Variants in LHFPL6 observed in about 807,000 individuals in gnomAD.
The protein encoded by LHFPL6 is LHFPL tetraspan subfamily member 6.
In LHFPL6, 9 loss-of-function variants were observed where a neutral mutation model predicts 20.6. The ratio of observed to expected loss-of-function variants is 0.44; its 90% CI spans 0.26 to 0.76. The LOEUF is 0.76. Ranked by LOEUF, LHFPL6 falls within the 30% of genes least tolerant of loss-of-function variation. The pLI is 0.20. For missense variants in LHFPL6, 218 were observed against 253.5 expected (o/e 0.86, Z 0.95); for synonymous variants, 105 against 98.7 (o/e 1.06, Z -0.38).
intron 2 of LHFPL6, among the ~76,000 whole-genome samples, chr13:39,480,153 A>T (rs561725239): frequency 6.6e-6 from 1 of 152,334 alleles, no homozygotes; most frequent in South Asian, 2.1e-4. Flanking sequence ...CAGTTTGAAG[A>T]AGGTCTTGTC....
intron 2 of LHFPL6, among the ~76,000 whole-genome samples, chr13:39,574,482 CA>C (rs796821570): frequency 0.027 from 1,600 of 59,956 alleles, 6 homozygotes; most frequent in African/African-American, 0.03. Flanking sequence ...GACTCCGTCT[CA>C]AAAAAAAAAA....
intron 2 of LHFPL6, among the ~76,000 whole-genome samples, chr13:39,429,551 C>T (rs1339677361): frequency 6.6e-6 from 1 of 152,132 alleles, no homozygotes; most frequent in African/African-American, 2.4e-5. Flanking sequence ...CATTTTTATA[C>T]AATCTGACAA....
intron 2 of LHFPL6, among the ~76,000 whole-genome samples, chr13:39,452,389 CA>C (rs1273235387): frequency 3.9e-5 from 6 of 152,118 alleles, no homozygotes; most frequent in African/African-American, 1.4e-4. Flanking sequence ...GGTTTTGATA[CA>C]AATCACCAAA....
intron 2 of LHFPL6, among the ~76,000 whole-genome samples, chr13:39,453,860 G>A (rs1430557893): frequency 2.0e-5 from 3 of 152,192 alleles, no homozygotes; most frequent in Non-Finnish European, 2.9e-5. Flanking sequence ...AGGAAAAGAA[G>A]AATCTAACTT....
chr13:39,348,299 G>A (rs185138986), intron 3 of LHFPL6, among the ~76,000 whole-genome samples: 10 of 152,214 alleles, frequency 6.6e-5, no homozygotes, highest in Admixed American at 2.0e-4. Flanking sequence ...TATTTGCAAC[G>A]CTCTTCAGAG....
intron 2 of LHFPL6, among the ~76,000 whole-genome samples, chr13:39,521,442 T>C (rs772136006): frequency 1.3e-5 from 2 of 152,114 alleles, no homozygotes; most frequent in Non-Finnish European, 2.9e-5. Context: ...GAAAGGGAGA[T>C]TAGTGGTTTA....
intron 2 of LHFPL6, among the ~76,000 whole-genome samples, chr13:39,472,746 T>C (rs963665360): frequency 4.6e-5 from 7 of 151,992 alleles, no homozygotes; most frequent in African/African-American, 1.4e-4. Flanking sequence ...GTAGCTGGGA[T>C]TACAGACACC....
chr13:39,442,534 T>C (rs892177012), intron 2 of LHFPL6, among the ~76,000 whole-genome samples: 4 of 152,156 alleles, frequency 2.6e-5, no homozygotes, highest in Admixed American at 6.5e-5. Flanking sequence ...AGGGAAGGCA[T>C]GAAAGAAGAA....
chr13:39,451,735 G>T (rs1320400822), intron 2 of LHFPL6, among the ~76,000 whole-genome samples: 1 of 152,092 alleles, frequency 6.6e-6, no homozygotes, highest in African/African-American at 2.4e-5. Context: ...CATAAAGTAG[G>T]TTGAGCCAAA....
At chr13:39,409,513 T>G (rs1412614236) in intron 2 of LHFPL6, among the ~76,000 whole-genome samples, 1 of 152,144 alleles carries the variant, frequency 6.6e-6, no homozygotes, top group East Asian at 1.9e-4. Flanking sequence ...ATACTACGCA[T>G]GACCACCACT....
At chr13:39,582,361 C>T (rs1872314935) in intron 2 of LHFPL6, among the ~76,000 whole-genome samples, 1 of 152,174 alleles carries the variant, frequency 6.6e-6, no homozygotes, top group African/African-American at 2.4e-5. Context: ...AAGACCCAAC[C>T]ATGTGAATTG....
At chr13:39,522,763 G>A (rs1885762) in intron 2 of LHFPL6, among the ~76,000 whole-genome samples, 131,649 of 151,956 alleles carry the variant, frequency 0.87, 57,165 homozygotes, top group South Asian at 0.93. Context: ...GCAACCACAA[G>A]AAGAAACCAC....
intron 2 of LHFPL6, among the ~76,000 whole-genome samples, chr13:39,484,751 T>C (rs1593331157): frequency 6.6e-6 from 1 of 152,162 alleles, no homozygotes. Flanking sequence ...AAATATCTTT[T>C]GTTATATGCA....
intron 2 of LHFPL6, among the ~76,000 whole-genome samples, chr13:39,528,543 G>A (rs969268301): frequency 6.6e-6 from 1 of 152,156 alleles, no homozygotes; most frequent in East Asian, 1.9e-4. Flanking sequence ...ATAGGCCAGT[G>A]TCCCTGTGAA....
chr13:39,407,507 A>G (rs766669301), intron 2 of LHFPL6, among the ~76,000 whole-genome samples: 4 of 152,232 alleles, frequency 2.6e-5, no homozygotes, highest in South Asian at 2.1e-4. Flanking sequence ...TGGGCCAAAC[A>G]TCTTAGAAAT....
intron 2 of LHFPL6, among the ~76,000 whole-genome samples, chr13:39,409,216 G>T (rs573313535): frequency 6.6e-6 from 1 of 152,176 alleles, no homozygotes; most frequent in African/African-American, 2.4e-5. Context: ...CACTTTGGGA[G>T]GCTGAGGTGG....
chr13:39,503,388 C>T (rs1869362437), intron 2 of LHFPL6, among the ~76,000 whole-genome samples: 1 of 152,174 alleles, frequency 6.6e-6, no homozygotes, highest in South Asian at 2.1e-4. Flanking sequence ...CTCAATAAGG[C>T]CTACCTGACC....
chr13:39,579,850 T>C lies in LHFPL6; in HGVS notation c.385+20982A>G, dbSNP rs1270709556. The stretch of plus-strand genomic sequence containing the variant: ...CTGTTGGTAGAATAACAATGGCATC[T>C]TTCTGAGGAAAAGAGTCTACTGACC... On this transcript the variant is annotated intron_variant, in intron 2 of 3. Transcript: ENST00000379589. Among the ~76,000 whole-genome samples, 6 of 152,214 alleles carry C rather than the reference T, an allele frequency of 3.9e-5. No homozygotes were observed. The East Asian group carries it at 1.2e-3, about 29-fold the overall frequency.
At position 39,559,906 on chromosome 13, in the gene LHFPL6, T is replaced by C. The variant is rs1871418855; in HGVS notation, c.385+40926A>G. On this transcript the variant is annotated intron_variant, in intron 2 of 3. Transcript: ENST00000379589. ...AGAGAAAACATTTATTTGTCTTTTTTTATTTTTAAACATTTAAGAAAATCC... is the reference window on the plus strand; with the variant it reads ...AGAGAAAACATTTATTTGTCTTTTTCTATTTTTAAACATTTAAGAAAATCC... Among the ~76,000 whole-genome samples, 5 of 152,368 alleles carry C rather than the reference T, an allele frequency of 3.3e-5. No homozygotes were observed. In the South Asian group the frequency reaches 8.3e-4, roughly 25 times the overall value.
Sources: gnomAD v4.1 joint callset for allele counts (sites outside exome capture counted in the v4.1 genomes callset) on GRCh38, gnomAD v4.1.1 for gene constraint, MANE v1.5 for transcripts, NCBI Gene and HGNC (gene_info 2026-07-23, HGNC 2026-07-21) for gene names.